The following PACSIN2 variants were observed in gnomAD, a reference collection of about 807,000 sequenced individuals.
PACSIN2 encodes protein kinase C and casein kinase substrate in neurons 2.
In PACSIN2, 25 loss-of-function variants were observed where a neutral mutation model predicts 63.8. The ratio of observed to expected loss-of-function variants is 0.39; its 90% confidence interval spans 0.29 to 0.55. The LOEUF (loss-of-function observed/expected upper bound fraction) is 0.55. Ranked by LOEUF, PACSIN2 falls within the 20% of genes least tolerant of loss-of-function variation. The pLI is 0.62. For synonymous variants in PACSIN2, 255 were observed against 256.2 expected (o/e 1.00, Z 0.05); for missense variants, 518 against 646.9 (o/e 0.80, Z 2.16).
chr22:42,886,211 G>C (rs962431605), intron 5 of PACSIN2, among the ~76,000 whole-genome samples: 8 of 152,220 alleles, frequency 5.3e-5, no homozygotes, highest in African/African-American at 1.9e-4. Flanking sequence ...GGTCATCACT[G>C]TTCTGGAAAT....
chr22:42,988,088 G>A (rs1384558279), intron 1 of PACSIN2, among the ~76,000 whole-genome samples: 1 of 152,108 alleles, frequency 6.6e-6, no homozygotes, highest in Non-Finnish European at 1.5e-5. Context: ...TGTGAGCCGA[G>A]ATCGCACCAC....
At chr22:42,982,887 A>AAAAAAACAAAAAC (rs200348918) in intron 1 of PACSIN2, among the ~76,000 whole-genome samples, 1 of 129,498 alleles carries the variant, frequency 7.7e-6, no homozygotes, top group Non-Finnish European at 1.7e-5. Flanking sequence ...AAAAAAAAAA[A>AAAAAAACAAAAAC]AAACAACAAC....
chr22:42,913,998 A>T (rs1158216482), intron 1 of PACSIN2, among the ~76,000 whole-genome samples: 1 of 152,248 alleles, frequency 6.6e-6, no homozygotes, highest in Non-Finnish European at 1.5e-5. Flanking sequence ...TCCACAACAG[A>T]TAACGGTACT....
chr22:43,008,606 T>C (rs1924252938), intron 1 of PACSIN2, among the ~76,000 whole-genome samples: 1 of 152,220 alleles, frequency 6.6e-6, no homozygotes. Context: ...ATGTGTACTC[T>C]TTCAATAAAC....
intron 1 of PACSIN2, among the ~76,000 whole-genome samples, chr22:42,978,739 C>A (rs1045414559): frequency 1.3e-5 from 2 of 152,162 alleles, no homozygotes; most frequent in African/African-American, 4.8e-5. Flanking sequence ...ATGTTTGCAT[C>A]CTGGCCCTTG....
chr22:43,002,340 C>G (rs895682576), intron 1 of PACSIN2: 3 of 152,130 alleles, frequency 2.0e-5, no homozygotes, highest in African/African-American at 7.2e-5. Flanking sequence ...AGGAATGTGG[C>G]CATAAGCACT....
chr22:42,985,434 G>A (rs551009732), intron 1 of PACSIN2, among the ~76,000 whole-genome samples: 1 of 152,318 alleles, frequency 6.6e-6, no homozygotes, highest in Admixed American at 6.5e-5. Context: ...GGCAGCAGAT[G>A]GGCACACTCC....
chr22:42,884,847 C>T (rs1569219482), intron 5 of PACSIN2, among the ~76,000 whole-genome samples: 1 of 152,248 alleles, frequency 6.6e-6, no homozygotes, highest in African/African-American at 2.4e-5. Flanking sequence ...GAGCGTGCCA[C>T]ACGCCCATGT....
chr22:42,894,865 C>T (rs1462714221), intron 2 of PACSIN2, among the ~76,000 whole-genome samples: 1 of 152,200 alleles, frequency 6.6e-6, no homozygotes, highest in Non-Finnish European at 1.5e-5. Context: ...TAGTCAACCC[C>T]TTGTCAGTTT....
intron 1 of PACSIN2, among the ~76,000 whole-genome samples, chr22:42,921,332 C>G (rs1932180656): frequency 6.6e-6 from 1 of 150,608 alleles, no homozygotes; most frequent in East Asian, 2.0e-4. Context: ...GTCGCCCACC[C>G]TGGGCGACAG....
chr22:42,905,253 C>G (rs569655990), intron 2 of PACSIN2, among the ~76,000 whole-genome samples: 2 of 152,388 alleles, frequency 1.3e-5, no homozygotes, highest in African/African-American at 2.4e-5. Context: ...ACAGGTCTGT[C>G]TGCACAACAG....
intron 2 of PACSIN2, among the ~76,000 whole-genome samples, chr22:42,899,180 G>A (rs574579802): frequency 1.3e-5 from 2 of 152,298 alleles, no homozygotes. Context: ...AGGGTCTACC[G>A]CACAGCAGGC....
intron 1 of PACSIN2, among the ~76,000 whole-genome samples, chr22:42,992,396 C>T (rs1330642804): frequency 1.3e-5 from 2 of 152,144 alleles, no homozygotes; most frequent in African/African-American, 4.8e-5. Flanking sequence ...CTAGCCTAAC[C>T]ACCTAAACCA....
rs532157365 is a variant in PACSIN2 at position 42,889,732 on chromosome 22, C to T, written c.454-934G>A. ...TGGGGGGCGAGGCTGCAGGCAGGGG[C>T]GGGGCACACAAGCTGAGGGCTGGGG... On this transcript the variant is annotated intron_variant, in intron 4 of 10. Coordinates refer to ENST00000263246, the MANE Select transcript of PACSIN2 (RefSeq NM_001184970.3). 6.6e-5 allele frequency among the ~76,000 whole-genome samples: 10 copies of T among 151,976 alleles called. 1 individual carries two copies. The highest frequency in any genetic ancestry group is 9.7e-5 in the African/African-American group (4 of 41,412).
Position 42,893,549 on chromosome 22 carries a change from A to C in PACSIN2, c.125T>G (p.Met42Arg). Residue 42 changes from methionine (M) to arginine (R), a missense_variant, in exon 3 of 11, where the codon ATG becomes AGG. Coordinates refer to ENST00000263246, the MANE Select transcript of PACSIN2 (RefSeq NM_001184970.3). ...GCGCGCCCGCTCATGCAGGCAGTTC[A>C]TGAGGTCGCTGCACAGGCGGTGGCC... ...DDGHRLCSDLMNCLHERARIE... is the reference protein window; with the variant it reads ...DDGHRLCSDLRNCLHERARIE... The C allele has an allele frequency of 6.2e-7, 1 of 1,614,162 alleles. No individual in the cohort carries two copies. Among genetic ancestry groups the C allele is most frequent in the Non-Finnish European group, 8.5e-7 (1 of 1,180,032 alleles).
At chr22:42,902,639 C>T (rs1044925267) in intron 2 of PACSIN2, among the ~76,000 whole-genome samples, 18 of 152,030 alleles carry the variant, frequency 1.2e-4, no homozygotes, top group African/African-American at 3.9e-4. Flanking sequence ...CTCGCTCTGT[C>T]TTCCAGGCTG....
chr22:42,972,510 A>T (rs1389764215), intron 1 of PACSIN2, among the ~76,000 whole-genome samples: 1 of 152,054 alleles, frequency 6.6e-6, no homozygotes, highest in East Asian at 1.9e-4. Context: ...AATAAATACT[A>T]AATATATATA....
At chr22:42,927,980 T>C (rs1932646678) in intron 1 of PACSIN2, among the ~76,000 whole-genome samples, 1 of 152,192 alleles carries the variant, frequency 6.6e-6, no homozygotes, top group South Asian at 2.1e-4. Context: ...TTCCAGGTAG[T>C]CCTCAGGCGG....
At chr22:42,884,309 G>T in intron 6 of PACSIN2, 77 bp downstream of exon 6, 1 of 1,363,692 alleles carries the variant, frequency 7.3e-7, no homozygotes, top group Non-Finnish European at 1.0e-6. Context: ...AAACCTGGGA[G>T]CAGCATCTGA....
Sources: gnomAD v4.1 joint callset for allele counts (sites outside exome capture counted in the v4.1 genomes callset) on GRCh38, gnomAD v4.1.1 for gene constraint, MANE v1.5 for transcripts, NCBI Gene and HGNC (gene_info 2026-07-23, HGNC 2026-07-21) for gene names.